NOL10: variants seen among roughly 807,000 people sequenced by gnomAD.
NOL10 encodes the protein nucleolar protein 10, also known as H_NH0074G24.1.
NOL10 carries 58 observed loss-of-function variants against 103.5 expected under a neutral mutation model. The ratio of observed to expected loss-of-function variants is 0.56; its 90% CI spans 0.45 to 0.70. NOL10 has a LOEUF of 0.70. NOL10 is among the 30% of genes least tolerant of loss of function. The probability of loss-of-function intolerance (pLI) is 0.00; values close to 1 mark genes in which losing one functional copy is unlikely to be tolerated. For missense variants in NOL10, 763 were observed against 807.3 expected (o/e 0.95, Z 0.67); for synonymous variants, 287 against 282.5 (o/e 1.02, Z -0.16).
At chr2:10,625,541 G>T (rs1342203148) in intron 13 of NOL10, among the ~76,000 whole-genome samples, 1 of 152,108 alleles carries the variant, frequency 6.6e-6, no homozygotes, top group Non-Finnish European at 1.5e-5. Flanking sequence ...CATATTACTT[G>T]TTTTCCAACC....
At chr2:10,672,593 G>A (rs1681021649) in intron 5 of NOL10, among the ~76,000 whole-genome samples, 1 of 152,152 alleles carries the variant, frequency 6.6e-6, no homozygotes, top group Admixed American at 6.5e-5. Context: ...TGTCAGCTAA[G>A]AAAATTCAAT....
rs560441209 is a variant in NOL10 at position 10,659,346 on chromosome 2, G to A, written c.678-96C>T. The A allele has an allele frequency of 1.9e-5, 9 of 486,344 alleles. 2 individuals are homozygous for A. The highest frequency in any genetic ancestry group is 6.4e-5 in the African/African-American group (3 of 47,230). The allele number at this position is 486,344 out of a possible 1,614,324, so 30.1% of individuals were successfully genotyped here. On this transcript the variant is annotated intron_variant, in intron 9 of 20. Coordinates refer to ENST00000381685, the MANE Select transcript of NOL10 (RefSeq NM_024894.4). ...AGTCTTCACTTCAAATCTAATGGGG[G>A]GGGGGGGGAGGAATCACATTTCTAG... is the stretch of plus-strand genomic sequence containing the variant.
At chr2:10,611,872 G>A (rs1016357655) in intron 13 of NOL10, among the ~76,000 whole-genome samples, 2 of 152,138 alleles carry the variant, frequency 1.3e-5, no homozygotes, top group African/African-American at 4.8e-5. Context: ...CCAAGACTGT[G>A]TCACTGTACT....
In NOL10 at chr2:10,587,168, CACATATATAT is replaced by C. The variant is rs1376206228; in HGVS notation, c.1844+1865_1844+1874del. Among the ~76,000 whole-genome samples, 6 of 35,978 alleles carry C rather than the reference CACATATATAT, an allele frequency of 1.7e-4. 2 individuals carry two copies. In the Admixed American group the frequency reaches 1.9e-3, roughly 11 times the overall value. The allele number at this position is 35,978 out of a possible 152,430, so 23.6% of individuals were successfully genotyped here. A position where few individuals can be genotyped will look rare whatever the true frequency, so the allele number is the denominator to read the frequency against. Reference sequence around the variant, plus strand: ...ATATATACATATATACACATATATACACATATATATACACATATATATACACATATATATA... The same window carrying C: ...ATATATACATATATACACATATATACACACATATATATACACATATATATA... On this transcript the variant is annotated intron_variant, in intron 19 of 20. Coordinates refer to ENST00000381685, the MANE Select transcript of NOL10 (RefSeq NM_024894.4).
chr2:10,616,217 ATTTTTTTTTTTTTT>A (rs533351651), intron 13 of NOL10, among the ~76,000 whole-genome samples: 8,556 of 95,748 alleles, frequency 0.089, 481 homozygotes, highest in Admixed American at 0.22. Flanking sequence ...ACCACCCTGC[ATTTTTTTTTTTTTT>A]TTTTTTTTTT....
intron 13 of NOL10, among the ~76,000 whole-genome samples, chr2:10,640,239 G>A (rs188913848): frequency 1.9e-3 from 282 of 152,270 alleles, no homozygotes; most frequent in African/African-American, 6.4e-3. Context: ...AACTTGGTAC[G>A]TTTGATAAAA....
Position 10,589,673 on chromosome 2 carries a change from C to A in NOL10, c.1501G>T (p.Glu501Ter). 6.3e-7 allele frequency: 1 copy of A among 1,589,104 alleles called. No individual in the cohort carries two copies. The part of the protein sequence containing the change: ...NPDFQVDEES[E>*]EFRLLNPLVS... ...AGTGGATTCAGAAGCCTAAATTCTT[C>A]ACTCTCTTCATCTACTTGGAAGTCA... Residue 501 changes from glutamate to a stop codon, truncating the protein, a stop_gained, in exon 18 of 21, where the codon GAA becomes TAA. Coordinates refer to ENST00000381685, the MANE Select transcript of NOL10 (RefSeq NM_024894.4). LOFTEE classifies it high-confidence loss of function.
intron 19 of NOL10, 27 bp from the exon 20 acceptor site, chr2:10,577,765 A>G (rs1472423772): frequency 1.4e-6 from 2 of 1,390,576 alleles, no homozygotes; most frequent in Non-Finnish European, 2.0e-6. Context: ...AGAATGCCAC[A>G]TTAATCAAAA....
rs1681277415 is a variant in NOL10, at chr2:10,675,928, C to A, written c.212-57G>T. The A allele has an allele frequency of 1.3e-5, 11 of 861,550 alleles. No homozygotes were observed. In the South Asian group the frequency reaches 1.9e-4, roughly 15 times the overall value. The allele number at this position is 861,550 out of a possible 1,614,324, so 53.4% of individuals were successfully genotyped here. On this transcript the variant is annotated intron_variant, in intron 3 of 20. Transcript: ENST00000381685. ...AGACATACTTTCATAGTCAAAACAT[C>A]CAGATACATTGAGTGTACTTCTTGT...
At chr2:10,673,329 T>C (rs1681077012) in intron 5 of NOL10, 191 bp downstream of exon 5, 3 of 412,614 alleles carry the variant, frequency 7.3e-6, no homozygotes, top group Non-Finnish European at 1.3e-5. Context: ...AGGCTATCCG[T>C]ATCACTGTAT....
At chr2:10,579,359 G>A (rs151293096) in intron 19 of NOL10, among the ~76,000 whole-genome samples, 2 of 152,218 alleles carry the variant, frequency 1.3e-5, no homozygotes, top group Non-Finnish European at 2.9e-5. Flanking sequence ...GCAAAAAAGG[G>A]AGGTAAGATG....
intron 13 of NOL10, among the ~76,000 whole-genome samples, chr2:10,635,722 G>A (rs1678167320): frequency 6.6e-6 from 1 of 152,016 alleles, no homozygotes; most frequent in South Asian, 2.1e-4. Context: ...AGAACATGTT[G>A]GTTTTCTTCA....
In NOL10 at chr2:10,689,831, T is replaced by C. The variant is rs1349908763; in HGVS notation, c.31A>G (p.Ile11Val). 2 of 1,607,864 alleles carry C rather than the reference T, an allele frequency of 1.2e-6. No homozygotes were observed. The highest frequency in any genetic ancestry group is 1.7e-6 in the Non-Finnish European group (2 of 1,177,494). ...GACTTGCCGCAGCTGAGGCTGTAAA[T>C]CTTCACCTCATTGAGGCTGGAGACC... MQVSSLNEVK[I>V]YSLSCGKSLP... Residue 11 changes from isoleucine to valine, a missense_variant, in exon 1 of 21, where the codon ATT (isoleucine) becomes GTT (valine). Coordinates refer to ENST00000381685, the MANE Select transcript of NOL10 (RefSeq NM_024894.4).
chr2:10,630,663 T>C (rs2357654), intron 13 of NOL10, among the ~76,000 whole-genome samples: 121,826 of 152,028 alleles, frequency 0.8, 49,022 homozygotes, highest in Non-Finnish European at 0.82. Flanking sequence ...TGCAGTGAGC[T>C]GAGATCGTGC....
chr2:10,678,826 C>A (rs942552933), intron 3 of NOL10, among the ~76,000 whole-genome samples: 1 of 152,098 alleles, frequency 6.6e-6, no homozygotes, highest in African/African-American at 2.4e-5. Context: ...CAGAAAAAGG[C>A]CTCTAGGAAA....
intron 12 of NOL10, among the ~76,000 whole-genome samples, chr2:10,646,941 T>G (rs1481451097): frequency 2.6e-5 from 4 of 152,208 alleles, no homozygotes; most frequent in Non-Finnish European, 4.4e-5. Context: ...AAGATAACCG[T>G]AAGTACAGTG....
intron 19 of NOL10, among the ~76,000 whole-genome samples, chr2:10,578,021 A>G (rs1215395696): frequency 6.6e-6 from 1 of 152,240 alleles, no homozygotes; most frequent in East Asian, 1.9e-4. Context: ...TTTTCTTACT[A>G]AAATCAATCA....
At chr2:10,613,742 C>T (rs1308848339) in intron 13 of NOL10, among the ~76,000 whole-genome samples, 1 of 152,122 alleles carries the variant, frequency 6.6e-6, no homozygotes, top group Non-Finnish European at 1.5e-5. Flanking sequence ...CATTTACTAA[C>T]AGCAACAGGG....
chr2:10,587,180 C>T lies in NOL10; in HGVS notation c.1844+1863G>A, dbSNP rs187097850. On this transcript the variant is annotated intron_variant, in intron 19 of 20. Coordinates refer to ENST00000381685, the MANE Select transcript of NOL10 (RefSeq NM_024894.4). The stretch of plus-strand genomic sequence containing the variant: ...ATACACATATATACACATATATATA[C>T]ACATATATATACACATATATATACA... Among the ~76,000 whole-genome samples, 109 of 42,296 alleles carry T rather than the reference C, an allele frequency of 2.6e-3. 1 individual carries two copies. Among genetic ancestry groups the T allele is most frequent in the East Asian group, 6.4e-3 (9 of 1,402 alleles). 27.7% of individuals were successfully genotyped at this position (42,296 alleles called of 152,430 possible).
Sources: gnomAD v4.1 joint callset for allele counts (sites outside exome capture counted in the v4.1 genomes callset) on GRCh38, gnomAD v4.1.1 for gene constraint, MANE v1.5 for transcripts, NCBI Gene and HGNC (gene_info 2026-07-23, HGNC 2026-07-21) for gene names.